Variants in BAIAP2 observed in about 807,000 individuals in gnomAD.
BAIAP2 encodes the protein BAR/IMD domain containing adaptor protein 2.
BAIAP2 carries 18 observed loss-of-function variants against 63.0 expected under a neutral mutation model. That is an observed-to-expected ratio of 0.29 (90% CI 0.20 to 0.42). The LOEUF is 0.42. Ranked by LOEUF, BAIAP2 falls within the 10% of genes least tolerant of loss-of-function variation. The probability of loss-of-function intolerance (pLI) is 1.00; values close to 1 mark genes in which losing one functional copy is unlikely to be tolerated. For missense variants in BAIAP2, 610 were observed against 734.3 expected (o/e 0.83, Z 1.96); for synonymous variants, 386 against 307.6 (o/e 1.25, Z -2.67).
At chr17:81,092,904 C>A (rs1462969288) in intron 6 of BAIAP2, among the ~76,000 whole-genome samples, 1 of 152,148 alleles carries the variant, frequency 6.6e-6, no homozygotes, top group Non-Finnish European at 1.5e-5. Flanking sequence ...CCTGGTCCAG[C>A]TCCTCCTTAG....
intron 6 of BAIAP2, among the ~76,000 whole-genome samples, chr17:81,092,947 G>A (rs1346839264): frequency 4.6e-5 from 7 of 152,154 alleles, no homozygotes; most frequent in South Asian, 2.1e-4. Flanking sequence ...CACAGGGCCC[G>A]GAATGGGGCT....
chr17:81,060,587 G>T (rs920768427), intron 3 of BAIAP2, among the ~76,000 whole-genome samples: 2 of 152,302 alleles, frequency 1.3e-5, no homozygotes, highest in Middle Eastern at 3.4e-3. Context: ...ATTTATCTGG[G>T]GTTGCTGTCA....
intron 3 of BAIAP2, among the ~76,000 whole-genome samples, chr17:81,079,546 C>T (rs1271611602): frequency 6.6e-6 from 1 of 152,146 alleles, no homozygotes; most frequent in Non-Finnish European, 1.5e-5. Flanking sequence ...TCCCCAGCAT[C>T]CCTAGGCAGC....
At chr17:81,097,214 G>A (rs1044044434) in intron 6 of BAIAP2, among the ~76,000 whole-genome samples, 2 of 152,254 alleles carry the variant, frequency 1.3e-5, no homozygotes, top group Non-Finnish European at 2.9e-5. Context: ...CCGTTGTTTT[G>A]AGGGGCAGGT....
At chr17:81,043,340 C>T (rs1272902509) in intron 1 of BAIAP2, among the ~76,000 whole-genome samples, 1 of 152,248 alleles carries the variant, frequency 6.6e-6, no homozygotes, top group East Asian at 1.9e-4. Flanking sequence ...GAAAGCCCGT[C>T]CTCACGCAGT....
chr17:81,080,091 C>G (rs1423397659), intron 3 of BAIAP2, among the ~76,000 whole-genome samples: 1 of 152,234 alleles, frequency 6.6e-6, no homozygotes, highest in Non-Finnish European at 1.5e-5. Flanking sequence ...CTCAGCGGAA[C>G]TCACTGCCCC....
chr17:81,099,884 G>C, intron 6 of BAIAP2, 44 bp from the exon 7 acceptor site: 1 of 1,599,060 alleles, frequency 6.3e-7, no homozygotes, highest in Non-Finnish European at 8.5e-7. Context: ...CCTGACAGGC[G>C]TCCTTCCATC....
intron 1 of BAIAP2, among the ~76,000 whole-genome samples, chr17:81,052,771 C>CGGGTTGGGGCTGGGT: frequency 1.3e-5 from 2 of 151,078 alleles, no homozygotes; most frequent in South Asian, 4.3e-4. Context: ...CTCTAGCCCA[C>CGGGTTGGGGCTGGGT]AGGTTGGGGC....
chr17:81,064,178 T>C (rs992937243), intron 3 of BAIAP2, among the ~76,000 whole-genome samples: 2 of 152,278 alleles, frequency 1.3e-5, no homozygotes, highest in African/African-American at 2.4e-5. Context: ...ACTTTCATTC[T>C]TCGCACCTTT....
At chr17:81,102,857 C>G (rs2058678976) in intron 7 of BAIAP2, among the ~76,000 whole-genome samples, 1 of 152,210 alleles carries the variant, frequency 6.6e-6, no homozygotes, top group Admixed American at 6.5e-5. Flanking sequence ...GGCCAAATGG[C>G]CAGGAGGGGC....
intron 6 of BAIAP2, among the ~76,000 whole-genome samples, chr17:81,091,924 G>T (rs1282056793): frequency 1.3e-5 from 2 of 151,688 alleles, no homozygotes; most frequent in African/African-American, 4.9e-5. Context: ...GTGCAGCCAT[G>T]TGGGTGGTGC....
intron 3 of BAIAP2, among the ~76,000 whole-genome samples, chr17:81,060,036 G>C (rs1465284384): frequency 6.6e-6 from 1 of 152,184 alleles, no homozygotes; most frequent in Non-Finnish European, 1.5e-5. Context: ...CTTGGATCAG[G>C]GAGCGTCTGT....
At chr17:81,072,663 G>A (rs927688109) in intron 3 of BAIAP2, among the ~76,000 whole-genome samples, 1 of 152,146 alleles carries the variant, frequency 6.6e-6, no homozygotes, top group African/African-American at 2.4e-5. Flanking sequence ...AGACACCTGC[G>A]CCCAGAGGCC....
At position 81,114,332 on chromosome 17, in the gene BAIAP2, G is replaced by A. The variant is rs116270093; in HGVS notation, c.1536-1438G>A. Among the ~76,000 whole-genome samples, 401 of 152,014 alleles carry A rather than the reference G, an allele frequency of 2.6e-3. 2 individuals are homozygous for A. Among genetic ancestry groups the A allele is most frequent in the African/African-American group, 7.7e-3 (319 of 41,466 alleles). ...GGACCCTGGGCCTGCGGAGGAACTC[G>A]GGCCACAGAGCACTTCCTTAGGAGT... On this transcript the variant is annotated intron_variant, in intron 13 of 13. Transcript: ENST00000428708.
chr17:81,041,100 C>T (rs148907911), intron 1 of BAIAP2, among the ~76,000 whole-genome samples: 83 of 152,348 alleles, frequency 5.4e-4, no homozygotes, highest in African/African-American at 1.8e-3. Context: ...TTTTGACTCA[C>T]GCTATAGAGC....
intron 6 of BAIAP2, chr17:81,098,037 G>A (rs750124619): frequency 1.8e-6 from 2 of 1,133,980 alleles, no homozygotes; most frequent in Non-Finnish European, 2.2e-6. Context: ...GGGCTGTGGT[G>A]TCACGCGCTA....
intron 5 of BAIAP2, among the ~76,000 whole-genome samples, chr17:81,086,207 C>T (rs896312717): frequency 2.7e-5 from 4 of 150,300 alleles, no homozygotes; most frequent in South Asian, 2.1e-4. Context: ...TCATCTTGGG[C>T]GACCAGAGAG....
At chr17:81,067,606 C>T (rs1267696429) in intron 3 of BAIAP2, among the ~76,000 whole-genome samples, 1 of 152,240 alleles carries the variant, frequency 6.6e-6, no homozygotes, top group African/African-American at 2.4e-5. Context: ...CCGTTTCCTG[C>T]TGGTGATCAG....
At chr17:81,067,627 C>T (rs1242577903) in intron 3 of BAIAP2, among the ~76,000 whole-genome samples, 1 of 152,200 alleles carries the variant, frequency 6.6e-6, no homozygotes, top group Non-Finnish European at 1.5e-5. Context: ...TAGCTCCGAG[C>T]GTCACCCACA....
Sources: allele counts gnomAD v4.1 joint callset (sites outside exome capture counted in the v4.1 genomes callset), GRCh38; gene constraint gnomAD v4.1.1; transcripts MANE v1.5; gene names NCBI Gene and HGNC (gene_info 2026-07-23, HGNC 2026-07-21).